Variants in ADCY9 observed in about 807,000 individuals in gnomAD.
ADCY9 encodes adenylate cyclase 9, also known as adenylate cyclase type 9.
A neutral mutation model predicts 101.5 loss-of-function variants in ADCY9; 50 were observed. That is an observed-to-expected ratio of 0.49 (90% CI 0.39 to 0.62). The LOEUF (loss-of-function observed/expected upper bound fraction) is 0.62, where lower values mean the gene tolerates loss of function less well. Among genes scored for constraint, ADCY9 ranks in the 20% least tolerant of loss-of-function variants. The pLI, the probability that ADCY9 is intolerant of heterozygous loss-of-function variation, is 0.00. For synonymous variants in ADCY9, 905 were observed against 769.3 expected (o/e 1.18, Z -2.92); for missense variants, 1,662 against 1,800.4 (o/e 0.92, Z 1.39).
chr16:4,000,332 C>T lies in ADCY9; in HGVS notation c.1885-6822G>A, dbSNP rs530271444. 7.2e-4 allele frequency among the ~76,000 whole-genome samples: 109 copies of T among 152,266 alleles called. 1 individual carries two copies. Among genetic ancestry groups the T allele is most frequent in the Non-Finnish European group, 1.4e-3 (95 of 68,014 alleles). On this transcript the variant is annotated intron_variant, in intron 3 of 10. Coordinates refer to ENST00000294016, the MANE Select transcript of ADCY9 (RefSeq NM_001116.4). ...GTACGGTCGGAACCGCGTAAAGAGGCGGTGAGCCCAGGCAGCAGAGCTCCT... is the reference window on the plus strand; with the variant it reads ...GTACGGTCGGAACCGCGTAAAGAGGTGGTGAGCCCAGGCAGCAGAGCTCCT...
intron 10 of ADCY9, among the ~76,000 whole-genome samples, chr16:3,968,684 C>T (rs1021675310): frequency 7.2e-5 from 11 of 152,056 alleles, no homozygotes; most frequent in Non-Finnish European, 1.2e-4. Flanking sequence ...GAACTGGGCC[C>T]GAGTCTGTCT....
chr16:4,085,124 G>A (rs1485772539), intron 2 of ADCY9, among the ~76,000 whole-genome samples: 1 of 152,148 alleles, frequency 6.6e-6, no homozygotes, highest in Admixed American at 6.5e-5. Context: ...CACTTTGGGA[G>A]GTCAAGGTGG....
At position 4,106,575 on chromosome 16, in the gene ADCY9, C is replaced by A. The variant is rs111230855; in HGVS notation, c.1693+7175G>T. ...TGCCCAGGGCCAGATGGATGACAGGCCCCTAAGCTCAGCTAGTCCAGAGTC... is the reference window on the plus strand; with the variant it reads ...TGCCCAGGGCCAGATGGATGACAGGACCCTAAGCTCAGCTAGTCCAGAGTC... On this transcript the variant is annotated intron_variant, in intron 2 of 10. Coordinates refer to ENST00000294016, the MANE Select transcript of ADCY9 (RefSeq NM_001116.4). 1.8e-4 allele frequency among the ~76,000 whole-genome samples: 28 copies of A among 152,284 alleles called. 1 individual carries two copies. Among genetic ancestry groups the A allele is most frequent in the African/African-American group, 5.8e-4 (24 of 41,560 alleles).
chr16:4,020,641 G>A (rs542714401), intron 2 of ADCY9, among the ~76,000 whole-genome samples: 10 of 152,160 alleles, frequency 6.6e-5, no homozygotes, highest in African/African-American at 2.2e-4. Context: ...GGCCAACAAG[G>A]TGAAAACCCC....
chr16:4,090,165 C>T (rs114043081), intron 2 of ADCY9, among the ~76,000 whole-genome samples: 196 of 152,196 alleles, frequency 1.3e-3, no homozygotes, highest in African/African-American at 4.6e-3. Flanking sequence ...CAGCTGAGGT[C>T]AGCCCTGGAG....
chr16:4,087,148 A>C (rs1423700707), intron 2 of ADCY9, among the ~76,000 whole-genome samples: 4 of 151,994 alleles, frequency 2.6e-5, no homozygotes, highest in African/African-American at 9.7e-5. Context: ...TTCTACATTT[A>C]CCTGCACCCC....
At chr16:4,077,779 T>C (rs1461123842) in intron 2 of ADCY9, among the ~76,000 whole-genome samples, 1 of 152,118 alleles carries the variant, frequency 6.6e-6, no homozygotes, top group East Asian at 1.9e-4. Flanking sequence ...GTGGGTGGAT[T>C]ACTTGAGGTC....
At chr16:4,039,542 G>A (rs999125262) in intron 2 of ADCY9, among the ~76,000 whole-genome samples, 3 of 151,994 alleles carry the variant, frequency 2.0e-5, no homozygotes, top group Admixed American at 1.3e-4. Context: ...AGCCAGGCAC[G>A]GTGGCATGTA....
chr16:4,104,065 C>T (rs1013003481), intron 2 of ADCY9, among the ~76,000 whole-genome samples: 10 of 152,156 alleles, frequency 6.6e-5, no homozygotes, highest in African/African-American at 2.4e-4. Flanking sequence ...ATTATTTACA[C>T]GTGACCTACA....
Position 4,115,658 on chromosome 16 carries a change from T to C in ADCY9, c.-44+32A>G. ...TCCCACCGCCCCCACCGCCCCCACCTTCGAGGCGCACGAGAACCGCTCGGG... is the reference window on the plus strand; with the variant it reads ...TCCCACCGCCCCCACCGCCCCCACCCTCGAGGCGCACGAGAACCGCTCGGG... On this transcript the variant is annotated intron_variant, in intron 1 of 10. Coordinates refer to ENST00000294016, the MANE Select transcript of ADCY9 (RefSeq NM_001116.4). The surrounding 1 kb of genome is among the most constrained non-coding windows in gnomAD (Gnocchi z 6.2). The C allele has an allele frequency of 1.8e-6, 1 of 545,860 alleles. No homozygotes were observed. The highest frequency in any genetic ancestry group is 2.6e-5 in the South Asian group (1 of 37,822). The allele number at this position is 545,860 out of a possible 1,614,324, so 33.8% of individuals were successfully genotyped here.
At chr16:4,078,607 T>G (rs1188431770) in intron 2 of ADCY9, among the ~76,000 whole-genome samples, 1 of 139,596 alleles carries the variant, frequency 7.2e-6, no homozygotes, top group East Asian at 2.2e-4. Context: ...TAGAAGAAAA[T>G]ATAGGTTAAT....
chr16:4,008,914 T>C (rs1417995348), intron 2 of ADCY9, among the ~76,000 whole-genome samples: 1 of 152,114 alleles, frequency 6.6e-6, no homozygotes, highest in Admixed American at 6.6e-5. Context: ...CATGGAAAGA[T>C]GCCATCGAGA....
chr16:4,053,048 G>A (rs940344606), intron 2 of ADCY9, among the ~76,000 whole-genome samples: 5 of 152,136 alleles, frequency 3.3e-5, no homozygotes, highest in African/African-American at 9.7e-5. Flanking sequence ...TATTACATGC[G>A]TGGCATAGTT....
chr16:4,056,905 A>T (rs2056741887), intron 2 of ADCY9, among the ~76,000 whole-genome samples: 1 of 152,116 alleles, frequency 6.6e-6, no homozygotes, highest in Non-Finnish European at 1.5e-5. Flanking sequence ...ACCCAGGCTG[A>T]GGTCCAGGAT....
At chr16:4,024,655 G>T (rs2056502032) in intron 2 of ADCY9, among the ~76,000 whole-genome samples, 1 of 152,098 alleles carries the variant, frequency 6.6e-6, no homozygotes, top group Non-Finnish European at 1.5e-5. Context: ...CTGGCCTTTT[G>T]CTGTGGTCCA....
chr16:4,083,463 G>C (rs1250995044), intron 2 of ADCY9, among the ~76,000 whole-genome samples: 3 of 152,128 alleles, frequency 2.0e-5, no homozygotes, highest in East Asian at 1.9e-4. Context: ...TCCTCAAAAA[G>C]TTAAACAGAG....
chr16:4,052,602 C>A (rs1364494480), intron 2 of ADCY9, among the ~76,000 whole-genome samples: 1 of 152,064 alleles, frequency 6.6e-6, no homozygotes. Context: ...ATAACGCCAC[C>A]AAAACCCCCT....
intron 3 of ADCY9, among the ~76,000 whole-genome samples, chr16:4,003,828 A>G (rs1433532127): frequency 6.6e-6 from 1 of 152,008 alleles, no homozygotes; most frequent in African/African-American, 2.4e-5. Flanking sequence ...CGACGCTGAC[A>G]GTGGCGTCCT....
chr16:4,024,457 T>C (rs1350098968), intron 2 of ADCY9, among the ~76,000 whole-genome samples: 1 of 152,252 alleles, frequency 6.6e-6, no homozygotes, highest in Non-Finnish European at 1.5e-5. Flanking sequence ...CAAGCACAGC[T>C]TGATAATCAA....
Sources: allele counts gnomAD v4.1 joint callset (sites outside exome capture counted in the v4.1 genomes callset), GRCh38; gene constraint gnomAD v4.1.1; non-coding constraint Gnocchi (gnomAD v3.1); transcripts MANE v1.5; gene names NCBI Gene and HGNC (gene_info 2026-07-23, HGNC 2026-07-21).